ANTXR2: variants seen among roughly 807,000 people sequenced by gnomAD.
ANTXR2 encodes anthrax toxin receptor 2.
In ANTXR2, 44 loss-of-function variants were observed where a neutral mutation model predicts 73.7. That is an observed-to-expected ratio of 0.60 (90% CI 0.47 to 0.77). ANTXR2 has a LOEUF of 0.77. ANTXR2 is among the 30% of genes least tolerant of loss of function. ANTXR2 has a pLI of 0.00. For missense variants in ANTXR2, 604 were observed against 592.5 expected (o/e 1.02, Z -0.20); for synonymous variants, 217 against 205.9 (o/e 1.05, Z -0.46).
intron 16 of ANTXR2, among the ~76,000 whole-genome samples, chr4:79,919,900 TATATATATATATATATATATAAAA>T (rs1215444670): frequency 6.0e-5 from 1 of 16,806 alleles, no homozygotes; most frequent in African/African-American, 2.7e-4. Flanking sequence ...TATATATATA[TATATATATATATATATATATAAAA>T]AATGATAGGG....
rs560440280 is a variant in ANTXR2, at chr4:80,054,457, G to A, written c.556-105C>T. 8.3e-5 allele frequency: 65 copies of A among 786,790 alleles called. No individual in the cohort carries two copies. In the South Asian group the frequency reaches 1.1e-3, roughly 14 times the overall value. The allele number at this position is 786,790 out of a possible 1,614,324, so 48.7% of individuals were successfully genotyped here. On this transcript the variant is annotated intron_variant, in intron 6 of 16. Coordinates refer to ENST00000403729, the MANE Select transcript of ANTXR2 (RefSeq NM_058172.6). ...TGTTCATCTGAAAAATTACCCCACA[G>A]GATTAATTTACCAGCGTGATCTGTG...
chr4:79,960,002 T>C (rs188433901), intron 16 of ANTXR2, among the ~76,000 whole-genome samples: 2 of 152,312 alleles, frequency 1.3e-5, no homozygotes, highest in East Asian at 3.9e-4. Flanking sequence ...AATTTATCTG[T>C]ATGCTACGTA....
At chr4:80,045,389 A>G (rs2110097225) in intron 7 of ANTXR2, among the ~76,000 whole-genome samples, 2 of 151,864 alleles carry the variant, frequency 1.3e-5, no homozygotes, top group Non-Finnish European at 2.9e-5. Context: ...TCTATTAAAA[A>G]TTCTAAATAT....
rs187283328 is a variant in ANTXR2 at position 79,936,397 on chromosome 4, A to T, written c.1429-28930T>A. 2.4e-4 allele frequency among the ~76,000 whole-genome samples: 36 copies of T among 152,274 alleles called. 1 individual carries two copies. The highest frequency in any genetic ancestry group is 7.9e-4 in the African/African-American group (33 of 41,556). Reference sequence around the variant, plus strand: ...TTCTCCTTCACAACCTAGCACTAAAACTGGTTGCACTGCATTAGAACTCTG... The same window carrying T: ...TTCTCCTTCACAACCTAGCACTAAATCTGGTTGCACTGCATTAGAACTCTG... On this transcript the variant is annotated intron_variant, in intron 16 of 16. Coordinates refer to ENST00000403729, the MANE Select transcript of ANTXR2 (RefSeq NM_058172.6).
rs187423886 is a variant in ANTXR2 at position 80,044,997 on chromosome 4, A to G, written c.637-8965T>C. ...AAGAGTTATGCATGTAAAAAGATAC[A>G]GAGCTTACTGAGAAGTTATTTGAAT... On this transcript the variant is annotated intron_variant, in intron 7 of 16. Transcript: ENST00000403729. 3.1e-3 allele frequency among the ~76,000 whole-genome samples: 475 copies of G among 151,978 alleles called. 2 individuals carry two copies. Among genetic ancestry groups the G allele is most frequent in the Middle Eastern group, 0.014 (4 of 292 alleles).
intron 8 of ANTXR2, among the ~76,000 whole-genome samples, chr4:80,034,256 A>C (rs1338493572): frequency 4.6e-5 from 7 of 152,274 alleles, no homozygotes; most frequent in Middle Eastern, 3.4e-3. Context: ...GCTGGAATGA[A>C]AGTTAACTGA....
chr4:79,982,276 C>G (rs1233944152), intron 14 of ANTXR2, among the ~76,000 whole-genome samples: 1 of 152,110 alleles, frequency 6.6e-6, no homozygotes. Flanking sequence ...CTGTCAAATA[C>G]ATTTAAACAA....
chr4:80,018,268 T>C (rs964373346), intron 11 of ANTXR2, among the ~76,000 whole-genome samples: 12 of 152,174 alleles, frequency 7.9e-5, no homozygotes, highest in Non-Finnish European at 1.6e-4. Context: ...CGTGCAATAA[T>C]ATAATATTGA....
chr4:80,068,630 G>C (rs1734628289), intron 3 of ANTXR2, among the ~76,000 whole-genome samples: 1 of 152,116 alleles, frequency 6.6e-6, no homozygotes, highest in African/African-American at 2.4e-5. Flanking sequence ...AAATTGGCCA[G>C]GTGTGGTGGC....
At chr4:79,930,824 C>T (rs990498803) in intron 16 of ANTXR2, among the ~76,000 whole-genome samples, 5 of 152,140 alleles carry the variant, frequency 3.3e-5, no homozygotes, top group African/African-American at 7.2e-5. Flanking sequence ...ATAGTGTAAA[C>T]GAGCTGAAAC....
At chr4:79,914,561 C>T (rs565397300) in intron 16 of ANTXR2, among the ~76,000 whole-genome samples, 3 of 152,208 alleles carry the variant, frequency 2.0e-5, no homozygotes, top group African/African-American at 7.2e-5. Flanking sequence ...TAAACCTGTA[C>T]CTTATGCAAA....
intron 7 of ANTXR2, among the ~76,000 whole-genome samples, chr4:80,042,792 C>T (rs1487537000): frequency 1.3e-5 from 2 of 151,886 alleles, no homozygotes; most frequent in Non-Finnish European, 2.9e-5. Flanking sequence ...AATGGGATCC[C>T]AACATCGCAA....
intron 15 of ANTXR2, 105 bp downstream of exon 15, chr4:79,977,902 C>T: frequency 7.4e-7 from 1 of 1,350,690 alleles, no homozygotes; most frequent in South Asian, 1.5e-5. Flanking sequence ...TGAATATCTG[C>T]AATTTCATCT....
intron 16 of ANTXR2, among the ~76,000 whole-genome samples, chr4:79,948,889 G>A (rs574861447): frequency 6.6e-5 from 10 of 152,208 alleles, no homozygotes; most frequent in African/African-American, 1.7e-4. Context: ...ATTATGATAT[G>A]CTCTGTACAT....
chr4:79,978,463 G>A (rs921400512), intron 14 of ANTXR2, among the ~76,000 whole-genome samples: 1 of 151,916 alleles, frequency 6.6e-6, no homozygotes, highest in African/African-American at 2.4e-5. Context: ...TCCATTTGTG[G>A]TTTACATATG....
At chr4:79,933,875 C>T (rs2109964591) in intron 16 of ANTXR2, among the ~76,000 whole-genome samples, 1 of 151,682 alleles carries the variant, frequency 6.6e-6, no homozygotes, top group South Asian at 2.1e-4. Context: ...GCTGGGACTA[C>T]AGGCGCCCAA....
At chr4:79,963,053 T>A (rs1411536768) in intron 16 of ANTXR2, among the ~76,000 whole-genome samples, 2 of 152,166 alleles carry the variant, frequency 1.3e-5, no homozygotes. Flanking sequence ...TGATGCAGAA[T>A]CTCTACCATC....
intron 10 of ANTXR2, among the ~76,000 whole-genome samples, chr4:80,028,115 G>A (rs1453331335): frequency 6.6e-6 from 1 of 152,048 alleles, no homozygotes; most frequent in Non-Finnish European, 1.5e-5. Context: ...CATTCTTTCT[G>A]TTTAAATAAT....
chr4:79,923,167 A>G (rs191093784), intron 16 of ANTXR2, among the ~76,000 whole-genome samples: 1 of 152,270 alleles, frequency 6.6e-6, no homozygotes, highest in Non-Finnish European at 1.5e-5. Context: ...ATAGCTATCT[A>G]AAGCATATAA....
Sources: allele counts gnomAD v4.1 joint callset (sites outside exome capture counted in the v4.1 genomes callset), GRCh38; gene constraint gnomAD v4.1.1; transcripts MANE v1.5; gene names NCBI Gene and HGNC (gene_info 2026-07-23, HGNC 2026-07-21).